NCAPG2: variants seen among roughly 807,000 people sequenced by gnomAD.
NCAPG2 encodes the protein non-SMC condensin II complex subunit G2.
NCAPG2 carries 53 observed loss-of-function variants against 141.1 expected under a neutral mutation model. The ratio of observed to expected loss-of-function variants is 0.38; its 90% CI spans 0.30 to 0.47. The LOEUF is 0.47. Ranked by LOEUF, NCAPG2 falls within the 20% of genes least tolerant of loss-of-function variation. The pLI is 0.99. For missense variants in NCAPG2, 1,087 were observed against 1,389.0 expected (o/e 0.78, Z 3.46); for synonymous variants, 499 against 490.7 (o/e 1.02, Z -0.22).
chr7:158,667,336 T>G (rs9770101), intron 13 of NCAPG2: 1,825 of 84,174 alleles, frequency 0.022, 548 homozygotes, highest in African/African-American at 0.16. Context: ...TCCGCTACTG[T>G]GTCCCTCCGC....
chr7:158,690,291 G>A (rs1835038222), intron 5 of NCAPG2, among the ~76,000 whole-genome samples: 2 of 152,204 alleles, frequency 1.3e-5, no homozygotes, highest in Admixed American at 6.5e-5. Flanking sequence ...CTGAGGAACT[G>A]AATTTTTCAT....
chr7:158,640,834 G>C (rs1217150118), intron 27 of NCAPG2: 2 of 152,094 alleles, frequency 1.3e-5, no homozygotes, highest in Non-Finnish European at 2.9e-5. Flanking sequence ...ATTCTTAAAT[G>C]ACCTAAGATG....
At position 158,693,335 on chromosome 7, in the gene NCAPG2, T is replaced by C. The variant is rs1169882761; in HGVS notation, c.241A>G (p.Met81Val). The C allele has an allele frequency of 3.1e-6, 5 of 1,613,092 alleles. No individual in the cohort carries two copies. Among genetic ancestry groups the C allele is most frequent in the Non-Finnish European group, 4.2e-6 (5 of 1,179,870 alleles). ...ATTTTTGAGCCATGTTCGGTTTCCA[T>C]ATTGTCTTCACCCTGGGCTTCCACT... is the stretch of plus-strand genomic sequence containing the variant. ...QVVEAQGEDN[M>V]ETEHGSKMRK... The change falls in exon 3 of 28, where the codon ATG (methionine) becomes GTG (valine). Residue 81 changes from methionine (M) to valine (V), a missense_variant. By Grantham distance (21) the Met-to-Val change is conservative. Coordinates refer to ENST00000356309, the MANE Select transcript of NCAPG2 (RefSeq NM_017760.7).
chr7:158,663,476 A>T (rs1832691255), intron 15 of NCAPG2, among the ~76,000 whole-genome samples: 1 of 152,122 alleles, frequency 6.6e-6, no homozygotes, highest in Admixed American at 6.6e-5. Flanking sequence ...GTGGTGGGAG[A>T]TGGAGGAGAA....
chr7:158,671,657 T>C lies in NCAPG2; in HGVS notation c.1336A>G (p.Met446Val), dbSNP rs762488450. Residue 446 changes from methionine to valine, a missense_variant, in exon 13 of 28, where the codon ATG becomes GTG. Coordinates refer to ENST00000356309, the MANE Select transcript of NCAPG2 (RefSeq NM_017760.7). ...TGGCTCAGTTTGTTGTCCAAAATCA[T>C]TGGCAGACACTGCAACAGAGAGAAA... Reference protein sequence around the residue: ...VRCSVFKCLPMILDNKLSHPL... With the variant: ...VRCSVFKCLPVILDNKLSHPL... 7 of 1,613,984 alleles carry C rather than the reference T, an allele frequency of 4.3e-6. No individual in the cohort carries two copies. In the African/African-American group the frequency reaches 5.3e-5, roughly 12 times the overall value.
intron 5 of NCAPG2, 128 bp from the exon 6 acceptor site, chr7:158,690,081 C>A: frequency 2.0e-6 from 2 of 979,048 alleles, no homozygotes; most frequent in Non-Finnish European, 1.4e-6. Context: ...AAAATAACGA[C>A]AAATAAAAAC....
At chr7:158,694,309 G>C (rs374625289) in intron 2 of NCAPG2, among the ~76,000 whole-genome samples, 1 of 152,138 alleles carries the variant, frequency 6.6e-6, no homozygotes, top group Admixed American at 6.5e-5. Context: ...AATAAACATA[G>C]ATGCAATACA....
intron 7 of NCAPG2, among the ~76,000 whole-genome samples, chr7:158,686,503 C>T (rs1169687539): frequency 2.0e-5 from 3 of 152,188 alleles, no homozygotes; most frequent in Non-Finnish European, 2.9e-5. Flanking sequence ...TTCTGTGAAA[C>T]TATGAGTGCA....
chr7:158,695,020 T>G (rs960163308), intron 2 of NCAPG2, among the ~76,000 whole-genome samples: 1 of 152,222 alleles, frequency 6.6e-6, no homozygotes, highest in Non-Finnish European at 1.5e-5. Context: ...AATTGAATAA[T>G]TCTTTACGCC....
rs1043609534 is a variant in NCAPG2, at chr7:158,671,398, T to C, written c.1479+116A>G. On this transcript the variant is annotated intron_variant, in intron 13 of 27. Coordinates refer to ENST00000356309, the MANE Select transcript of NCAPG2 (RefSeq NM_017760.7). ...AAATAACATTTTTGACAGAGATAAC[T>C]GGTCAAATCATATCAGTTATCAGTT... 15 of 1,241,128 alleles carry C rather than the reference T, an allele frequency of 1.2e-5. No individual in the cohort carries two copies. In the Admixed American group the frequency reaches 3.2e-4, roughly 26 times the overall value. The allele number at this position is 1,241,128 out of a possible 1,614,324, so 76.9% of individuals were successfully genotyped here. A position where few individuals can be genotyped will look rare whatever the true frequency, so the allele number is the denominator to read the frequency against.
Position 158,675,665 on chromosome 7 carries a change from A to C in NCAPG2, c.1147-9T>G. ...GGATCTTCTAAAAGGCTCTATAAGT[A>C]GGAGGGGAGAAAGGCTTAAAAACCT... On this transcript the variant is annotated splice_polypyrimidine_tract_variant and intron_variant, in intron 11 of 27. Coordinates refer to ENST00000356309, the MANE Select transcript of NCAPG2 (RefSeq NM_017760.7). 6.2e-7 allele frequency: 1 copy of C among 1,604,420 alleles called. No homozygotes were observed. The highest frequency in any genetic ancestry group is 1.1e-5 in the South Asian group (1 of 88,594).
intron 8 of NCAPG2, among the ~76,000 whole-genome samples, chr7:158,684,209 G>C (rs1834618437): frequency 6.6e-6 from 1 of 152,168 alleles, no homozygotes; most frequent in Non-Finnish European, 1.5e-5. Context: ...TGAAAGATGA[G>C]ATACACAGCA....
chr7:158,684,673 C>A (rs1385648608), intron 8 of NCAPG2, among the ~76,000 whole-genome samples: 1 of 152,206 alleles, frequency 6.6e-6, no homozygotes, highest in Admixed American at 6.5e-5. Context: ...GAGAAATACA[C>A]ATTGTTGATA....
chr7:158,686,739 A>C (rs1834776445), intron 7 of NCAPG2, among the ~76,000 whole-genome samples: 1 of 152,220 alleles, frequency 6.6e-6, no homozygotes, highest in African/African-American at 2.4e-5. Flanking sequence ...GGAGCTTTGC[A>C]ATCAGAGATC....
intron 13 of NCAPG2, among the ~76,000 whole-genome samples, chr7:158,667,490 C>CCCGCCTTACCCACTACTGGGTCCCTCCGT (rs1833157755): frequency 8.8e-6 from 1 of 113,862 alleles, no homozygotes; most frequent in Non-Finnish European, 1.9e-5. Flanking sequence ...GGTCCCTCCG[C>CCCGCCTTACCCACTACTGGGTCCCTCCGT]CCGCCTTACC....
chr7:158,664,211 C>T lies in NCAPG2; in HGVS notation c.1788G>A (p.Glu596=). Residue 596 remains glutamate (E), a synonymous_variant, in exon 15 of 28, where the codon GAG becomes GAA. Transcript: ENST00000356309. Reference sequence around the variant, plus strand: ...TCACATTCTCCTTCTCCCTTCCGTCCTCTTCCTCCTCGTCCTCTGGAGGCT... The same window carrying T: ...TCACATTCTCCTTCTCCCTTCCGTCTTCTTCCTCCTCGTCCTCTGGAGGCT... ...VREPPEDEEE[E]DGREKENVTV... The T allele has an allele frequency of 1.9e-6, 3 of 1,612,870 alleles. No individual in the cohort carries two copies. Among genetic ancestry groups the T allele is most frequent in the Non-Finnish European group, 2.5e-6 (3 of 1,178,796 alleles).
At chr7:158,702,624 T>C (rs988257942) in intron 1 of NCAPG2, among the ~76,000 whole-genome samples, 1 of 152,216 alleles carries the variant, frequency 6.6e-6, no homozygotes, top group African/African-American at 2.4e-5. Flanking sequence ...GATGAGGTAA[T>C]AGCAAATGAT....
At chr7:158,682,339 TG>T (rs1383366403) in intron 9 of NCAPG2, among the ~76,000 whole-genome samples, 1 of 148,704 alleles carries the variant, frequency 6.7e-6, no homozygotes, top group Admixed American at 6.7e-5. Context: ...CACACTGGGA[TG>T]GGGGTGGGGG....
At chr7:158,682,079 C>A (rs1563563122) in intron 9 of NCAPG2, among the ~76,000 whole-genome samples, 1 of 149,584 alleles carries the variant, frequency 6.7e-6, no homozygotes, top group East Asian at 1.9e-4. Flanking sequence ...CCTTTAAATT[C>A]TTTTTGTGCA....
Sources: allele counts gnomAD v4.1 joint callset (sites outside exome capture counted in the v4.1 genomes callset), GRCh38; gene constraint gnomAD v4.1.1; transcripts MANE v1.5; gene names NCBI Gene and HGNC (gene_info 2026-07-23, HGNC 2026-07-21).